AFF2: variants seen among roughly 807,000 people sequenced by gnomAD.
The protein encoded by AFF2 is AF4/FMR2 family member 2.
In AFF2, 14 loss-of-function variants were observed where a neutral mutation model predicts 76.9. The ratio of observed to expected loss-of-function variants is 0.18; its 90% CI spans 0.12 to 0.28. The LOEUF (loss-of-function observed/expected upper bound fraction) is 0.28. AFF2 is among the 10% of genes least tolerant of loss of function. The pLI, the probability that AFF2 is intolerant of heterozygous loss-of-function variation, is 1.00. For missense variants in AFF2, 868 were observed against 1,001.1 expected (o/e 0.87, Z 1.79); for synonymous variants, 398 against 366.7 (o/e 1.09, Z -0.98).
intron 1 of AFF2, among the ~76,000 whole-genome samples, chrX:148,635,663 A>G (rs1167938969): frequency 9.0e-6 from 1 of 111,503 alleles, no homozygotes. Context: ...GAAACTCTGA[A>G]TGCAGCCTGG....
chrX:148,879,433 C>CA (rs1417237881), intron 7 of AFF2, among the ~76,000 whole-genome samples: 1 of 112,082 alleles, frequency 8.9e-6, no homozygotes, highest in Non-Finnish European at 1.9e-5. Context: ...GTTAACAAAA[C>CA]AAACTACTTT....
chrX:148,795,864 T>C (rs1364397242), intron 3 of AFF2, among the ~76,000 whole-genome samples: 1 of 52,325 alleles, frequency 1.9e-5, no homozygotes, highest in Non-Finnish European at 3.4e-5. Context: ...TATATATATA[T>C]ATATATATAC....
At chrX:148,571,268 T>C (rs1278800838) in intron 1 of AFF2, among the ~76,000 whole-genome samples, 1 of 111,572 alleles carries the variant, frequency 9.0e-6, no homozygotes, top group Non-Finnish European at 1.9e-5. Flanking sequence ...GAAGCCATGC[T>C]TCTGTGGATT....
intron 3 of AFF2, among the ~76,000 whole-genome samples, chrX:148,806,461 C>T (rs781918617): frequency 8.9e-6 from 1 of 111,837 alleles, no homozygotes; most frequent in East Asian, 2.8e-4. Context: ...TCGGTGAACC[C>T]GGTAGGTACC....
At chrX:148,760,611 G>A (rs189863613) in intron 3 of AFF2, among the ~76,000 whole-genome samples, 1 of 111,649 alleles carries the variant, frequency 9.0e-6, no homozygotes, top group African/African-American at 3.3e-5. Context: ...TGAGACAATG[G>A]AAGGGCAAGT....
intron 1 of AFF2, among the ~76,000 whole-genome samples, chrX:148,599,257 G>T (rs781848936): frequency 8.9e-6 from 1 of 112,558 alleles, no homozygotes; most frequent in South Asian, 3.6e-4. Flanking sequence ...CTTATATTAT[G>T]TTTTTAAAGT....
intron 3 of AFF2, among the ~76,000 whole-genome samples, chrX:148,676,682 C>A (rs1247056266): frequency 9.0e-6 from 1 of 111,705 alleles, no homozygotes; most frequent in African/African-American, 3.3e-5. Flanking sequence ...TTGAGGCTAG[C>A]TCTTGGAGTA....
intron 17 of AFF2, among the ~76,000 whole-genome samples, 163 bp downstream of exon 17, chrX:148,978,167 TCTC>T (rs1482685528): frequency 3.5e-5 from 4 of 112,732 alleles, no homozygotes; most frequent in African/African-American, 1.3e-4. Context: ...AAACATTTAC[TCTC>T]CTAACTTATA....
At chrX:148,863,436 T>A (rs1186975089) in intron 7 of AFF2, among the ~76,000 whole-genome samples, 3 of 111,927 alleles carry the variant, frequency 2.7e-5, no homozygotes, top group Non-Finnish European at 3.8e-5. Context: ...CTTTCCATTA[T>A]CTTGGTTACC....
intron 3 of AFF2, among the ~76,000 whole-genome samples, chrX:148,786,495 A>C (rs782231598): frequency 1.8e-5 from 2 of 111,881 alleles, no homozygotes; most frequent in Admixed American, 1.9e-4. Context: ...CTGTGAGAGA[A>C]AATCAGATCC....
At chrX:148,763,103 C>CT (rs2069471629) in intron 3 of AFF2, among the ~76,000 whole-genome samples, 1 of 111,871 alleles carries the variant, frequency 8.9e-6, no homozygotes, top group African/African-American at 3.2e-5. Context: ...TTTCAAAAAT[C>CT]TTTTTTTAGT....
intron 3 of AFF2, among the ~76,000 whole-genome samples, chrX:148,683,892 G>T (rs782352560): frequency 2.7e-5 from 3 of 111,562 alleles, no homozygotes; most frequent in Non-Finnish European, 5.6e-5. Flanking sequence ...GAGGCTTGGG[G>T]AACTATTTAG....
chrX:148,834,291 A>C (rs905107216), intron 4 of AFF2, among the ~76,000 whole-genome samples: 48 of 112,075 alleles, frequency 4.3e-4, no homozygotes, highest in African/African-American at 1.5e-3. Flanking sequence ...GTTATAGTGG[A>C]AAGTGTGCAC....
Position 148,927,435 on chromosome X carries a change from G to A in AFF2, c.1397+23177G>A, listed in dbSNP as rs782665168. Among the ~76,000 whole-genome samples, 6 of 109,230 alleles carry A rather than the reference G, an allele frequency of 5.5e-5. No individual in the cohort carries two copies. The South Asian group carries it at 2.0e-3, about 36-fold the overall frequency. The allele number at this position is 109,230 out of a possible 115,157, so 94.9% of individuals were successfully genotyped here. On this transcript the variant is annotated intron_variant, in intron 9 of 20. Coordinates refer to ENST00000370460, the MANE Select transcript of AFF2 (RefSeq NM_002025.4). ...TTCTTTTTTGCTGCATGTCTGCCTC[G>A]CCTTCTCTTTCCTGTTTCCTCACAG...
In AFF2 at chrX:148,962,941, A is replaced by C. The variant is rs782086422; in HGVS notation, c.2913+4A>C. On this transcript the variant is annotated splice_donor_region_variant and intron_variant, in intron 13 of 20. Coordinates refer to ENST00000370460, the MANE Select transcript of AFF2 (RefSeq NM_002025.4). ...TTTCAAAGGGATATCGGTAAATGTA[A>C]GCATCTTGGAAGAAATATTATTATT... The C allele has an allele frequency of 4.4e-6, 5 of 1,128,158 alleles. No individual in the cohort carries two copies. Among genetic ancestry groups the C allele is most frequent in the Non-Finnish European group, 1.2e-6 (1 of 819,983 alleles). 93.0% of individuals were successfully genotyped at this position (1,128,158 alleles called of 1,213,427 possible).
intron 1 of AFF2, among the ~76,000 whole-genome samples, chrX:148,508,846 G>A (rs782393026): frequency 9.0e-6 from 1 of 111,150 alleles, no homozygotes; most frequent in African/African-American, 3.3e-5. Context: ...ACGTTAATCA[G>A]GTCGTAGAAG....
intron 1 of AFF2, among the ~76,000 whole-genome samples, chrX:148,617,661 A>G (rs1404018148): frequency 8.9e-6 from 1 of 112,407 alleles, no homozygotes; most frequent in Non-Finnish European, 1.9e-5. Flanking sequence ...AGACCCCTTG[A>G]ATGTTGAGTG....
chrX:148,989,178 T>C (rs906346565), intron 20 of AFF2, among the ~76,000 whole-genome samples: 2 of 112,853 alleles, frequency 1.8e-5, no homozygotes, highest in Admixed American at 9.3e-5. Flanking sequence ...CAAGTGAAGA[T>C]AGACACATCT....
At chrX:148,537,197 G>C (rs1471433288) in intron 1 of AFF2, among the ~76,000 whole-genome samples, 1 of 112,035 alleles carries the variant, frequency 8.9e-6, no homozygotes, top group Non-Finnish European at 1.9e-5. Flanking sequence ...TGCCTTTGGG[G>C]ACCCTCCCCA....
Sources: gnomAD v4.1 joint callset for allele counts (sites outside exome capture counted in the v4.1 genomes callset) on GRCh38, gnomAD v4.1.1 for gene constraint, MANE v1.5 for transcripts, NCBI Gene and HGNC (gene_info 2026-07-23, HGNC 2026-07-21) for gene names.